The following GLIPR2 variants were observed in gnomAD, a reference collection of about 807,000 sequenced individuals.
GLIPR2 encodes the protein Golgi-associated plant pathogenesis-related protein 1.
A neutral mutation model predicts 20.4 loss-of-function variants in GLIPR2; 21 were observed. The observed-to-expected ratio is 1.03, with a 90% CI of 0.73 to 1.48. The LOEUF (loss-of-function observed/expected upper bound fraction) is 1.48. Ranked by LOEUF, GLIPR2 falls within the 40% of genes most tolerant of loss-of-function variation. The pLI, the probability that GLIPR2 is intolerant of heterozygous loss-of-function variation, is 0.00. For missense variants in GLIPR2, 205 were observed against 200.1 expected (o/e 1.02, Z -0.15); for synonymous variants, 91 against 80.5 (o/e 1.13, Z -0.70).
intron 4 of GLIPR2, among the ~76,000 whole-genome samples, chr9:36,157,407 T>C (rs75169094): frequency 0.21 from 31,422 of 148,672 alleles, 3,402 homozygotes; most frequent in South Asian, 0.3. Context: ...AGTGCAGTGG[T>C]GTAGTCTTGG....
chr9:36,140,914 C>T (rs1825048552), intron 1 of GLIPR2, among the ~76,000 whole-genome samples: 1 of 152,076 alleles, frequency 6.6e-6, no homozygotes, highest in African/African-American at 2.4e-5. Context: ...TTCATTTGTT[C>T]ACTCACTCAT....
chr9:36,155,453 A>C (rs1825787559), intron 4 of GLIPR2, among the ~76,000 whole-genome samples: 2 of 152,040 alleles, frequency 1.3e-5, no homozygotes, highest in African/African-American at 2.4e-5. Context: ...AATTAGCCGG[A>C]TGTGGTGGCG....
At chr9:36,151,931 C>T (rs1386780468) in intron 4 of GLIPR2, among the ~76,000 whole-genome samples, 1 of 152,180 alleles carries the variant, frequency 6.6e-6, no homozygotes, top group Non-Finnish European at 1.5e-5. Flanking sequence ...CACCTCGTTC[C>T]TCCTACCCCA....
intron 4 of GLIPR2, among the ~76,000 whole-genome samples, chr9:36,155,526 G>A (rs547290157): frequency 3.9e-5 from 6 of 152,248 alleles, no homozygotes; most frequent in South Asian, 2.1e-4. Flanking sequence ...CCCAGGAGGC[G>A]GAGGTTGCAG....
chr9:36,156,407 A>G (rs958784433), intron 4 of GLIPR2, among the ~76,000 whole-genome samples: 10 of 150,250 alleles, frequency 6.7e-5, no homozygotes, highest in Admixed American at 5.3e-4. Flanking sequence ...AAAAAAAAAA[A>G]AAAAAGAAAT....
At chr9:36,162,159 A>G in intron 4 of GLIPR2, 2 of 1,317,018 alleles carry the variant, frequency 1.5e-6, no homozygotes, top group South Asian at 1.4e-5. Flanking sequence ...TGGGTTACAG[A>G]GCGAGACTCC....
chr9:36,150,822 A>G, intron 3 of GLIPR2, 50 bp from the exon 4 acceptor site: 2 of 1,332,012 alleles, frequency 1.5e-6, no homozygotes, highest in Non-Finnish European at 2.2e-6. Flanking sequence ...GGGAATAGGG[A>G]GTGGGTGGAT....
In GLIPR2 at chr9:36,147,090, A is replaced by G. The variant is rs569132136; in HGVS notation, c.14-696A>G. Reference sequence around the variant, plus strand: ...TCACACACCAGTCTCCTCTGGAAACACTCTCACAGACACACCCCAAAATAA... The same window carrying G: ...TCACACACCAGTCTCCTCTGGAAACGCTCTCACAGACACACCCCAAAATAA... On this transcript the variant is annotated intron_variant, in intron 1 of 4. Transcript: ENST00000377960. 1.8e-4 allele frequency among the ~76,000 whole-genome samples: 27 copies of G among 151,974 alleles called. 2 individuals carry two copies. The South Asian group carries it at 5.0e-3, about 28-fold the overall frequency.
upstream of GLIPR2, chr9:36,136,567 GGAGCTGCTTCCCAGGGGT>G (rs1396078639): frequency 8.4e-6 from 3 of 357,730 alleles, no homozygotes; most frequent in African/African-American, 6.4e-5. This position sits in a 1 kb window ranked among gnomAD's most constrained non-coding sequence, Gnocchi z 4.3. Flanking sequence ...CGGCAGTCGC[GGAGCTGCTTCCCAGGGGT>G]GAGCTCTCCG....
intron 4 of GLIPR2, among the ~76,000 whole-genome samples, chr9:36,157,522 T>C (rs1392307289): frequency 1.3e-5 from 2 of 151,516 alleles, no homozygotes; most frequent in African/African-American, 4.9e-5. Flanking sequence ...AATTTTTATA[T>C]TTTTAGTAGA....
At chr9:36,158,650 T>C (rs1825935238) in intron 4 of GLIPR2, among the ~76,000 whole-genome samples, 1 of 152,198 alleles carries the variant, frequency 6.6e-6, no homozygotes, top group African/African-American at 2.4e-5. Context: ...AACAATCTCT[T>C]CAGTGTTGCT....
Position 36,136,979 on chromosome 9 carries a change from AG to A in GLIPR2, c.13+190del. The A allele has an allele frequency of 1.6e-6, 1 of 607,692 alleles. No homozygotes were observed. The highest frequency in any genetic ancestry group is 2.4e-6 in the Non-Finnish European group (1 of 419,680). 37.6% of individuals were successfully genotyped at this position (607,692 alleles called of 1,614,324 possible). ...CCCGGGGGGAAGGCGAGCCCGAGGG[AG>A]GCCCCCGCCGGAGAGCCGGGGATCG... On this transcript the variant is annotated intron_variant, in intron 1 of 4. Transcript: ENST00000377960. This position sits in a 1 kb window ranked among gnomAD's most constrained non-coding sequence, Gnocchi z 4.3.
chr9:36,143,942 C>A (rs1232621783), intron 1 of GLIPR2, among the ~76,000 whole-genome samples: 1 of 152,220 alleles, frequency 6.6e-6, no homozygotes, highest in Non-Finnish European at 1.5e-5. Flanking sequence ...GAGGCCTCCA[C>A]CGTGTCTTCC....
At chr9:36,146,384 A>G (rs1355652023) in intron 1 of GLIPR2, among the ~76,000 whole-genome samples, 1 of 152,176 alleles carries the variant, frequency 6.6e-6, no homozygotes, top group Non-Finnish European at 1.5e-5. Context: ...AAACCAAAGC[A>G]TTCTGCCCCT....
intron 3 of GLIPR2, among the ~76,000 whole-genome samples, chr9:36,150,422 T>A (rs996717724): frequency 1.2e-4 from 19 of 152,192 alleles, no homozygotes; most frequent in Non-Finnish European, 4.4e-5. Flanking sequence ...CTTACCAGCC[T>A]GATTGTCTTT....
chr9:36,149,508 C>G (rs1825488573), intron 3 of GLIPR2, among the ~76,000 whole-genome samples: 1 of 152,214 alleles, frequency 6.6e-6, no homozygotes, highest in African/African-American at 2.4e-5. Context: ...CCTGCAGGCT[C>G]CTTCCCAAGT....
chr9:36,151,233 G>A (rs1368229376), intron 4 of GLIPR2, among the ~76,000 whole-genome samples: 1 of 152,134 alleles, frequency 6.6e-6, no homozygotes, highest in Non-Finnish European at 1.5e-5. Context: ...TGTGTCATAG[G>A]AGACTGGATT....
chr9:36,161,963 T>A (rs143165692), intron 4 of GLIPR2, among the ~76,000 whole-genome samples: 10 of 152,268 alleles, frequency 6.6e-5, no homozygotes, highest in Middle Eastern at 6.8e-3. Flanking sequence ...GGCAGGTGGA[T>A]CGCCTGAGGT....
chr9:36,138,145 C>A (rs1014466913), intron 1 of GLIPR2, among the ~76,000 whole-genome samples: 1 of 152,100 alleles, frequency 6.6e-6, no homozygotes, highest in Admixed American at 6.5e-5. Flanking sequence ...GCGAGTCTTT[C>A]GAGATATCTG....
Sources: gnomAD v4.1 joint callset for allele counts (sites outside exome capture counted in the v4.1 genomes callset) on GRCh38, gnomAD v4.1.1 for gene constraint, Gnocchi (gnomAD v3.1) non-coding constraint, MANE v1.5 for transcripts, NCBI Gene and HGNC (gene_info 2026-07-23, HGNC 2026-07-21) for gene names.